DPP10: variants seen among roughly 807,000 people sequenced by gnomAD.
DPP10 encodes dipeptidyl peptidase like 10.
DPP10 carries 33 observed loss-of-function variants against 120.9 expected under a neutral mutation model. That is an observed-to-expected ratio of 0.27 (90% CI 0.21 to 0.37). The LOEUF (loss-of-function observed/expected upper bound fraction) is 0.37, where lower values mean the gene tolerates loss of function less well. Among genes scored for constraint, DPP10 ranks in the 10% least tolerant of loss-of-function variants. The pLI is 1.00. For missense variants in DPP10, 816 were observed against 942.8 expected (o/e 0.87, Z 1.76); for synonymous variants, 337 against 326.1 (o/e 1.03, Z -0.36).
intron 5 of DPP10, among the ~76,000 whole-genome samples, chr2:115,686,499 T>A (rs1221139173): frequency 6.6e-6 from 1 of 152,098 alleles, no homozygotes; most frequent in Non-Finnish European, 1.5e-5. Flanking sequence ...TAGTTGCTAA[T>A]TCAGTGTTTA....
At chr2:114,778,979 C>A (rs908685188) in intron 1 of DPP10, among the ~76,000 whole-genome samples, 2 of 151,962 alleles carry the variant, frequency 1.3e-5, no homozygotes, top group African/African-American at 4.8e-5. Context: ...AAATTAGTAG[C>A]ACCCTAGTTA....
At chr2:115,424,007 C>G (rs557490027) in intron 3 of DPP10, among the ~76,000 whole-genome samples, 8 of 152,264 alleles carry the variant, frequency 5.3e-5, no homozygotes, top group Admixed American at 5.2e-4. Flanking sequence ...AGGATCTGAT[C>G]ATTCAGCATT....
chr2:115,444,068 C>A (rs1446835973), intron 3 of DPP10, among the ~76,000 whole-genome samples: 1 of 152,124 alleles, frequency 6.6e-6, no homozygotes, highest in African/African-American at 2.4e-5. Flanking sequence ...ACTTGCCCTG[C>A]CTTTTATCTT....
chr2:115,574,726 G>A (rs1343927453), intron 5 of DPP10, among the ~76,000 whole-genome samples: 2 of 152,178 alleles, frequency 1.3e-5, no homozygotes, highest in African/African-American at 4.8e-5. Context: ...AACAATGCCT[G>A]GAATATGCCA....
chr2:115,263,614 A>G (rs571892407), intron 1 of DPP10, among the ~76,000 whole-genome samples: 7 of 152,248 alleles, frequency 4.6e-5, no homozygotes, highest in African/African-American at 1.7e-4. Context: ...TTCCAGGGAT[A>G]CATTTGACAT....
At chr2:115,786,449 A>T (rs1398493974) in intron 17 of DPP10, among the ~76,000 whole-genome samples, 1 of 151,554 alleles carries the variant, frequency 6.6e-6, no homozygotes, top group Non-Finnish European at 1.5e-5. Context: ...ATTTTATTTT[A>T]TTTTTTTTCT....
In DPP10 at chr2:115,712,540, T is replaced by TTTTATATATA. The variant is rs778592374; in HGVS notation, c.577-15275_577-15274insTTATATATAT. On this transcript the variant is annotated intron_variant, in intron 7 of 25. Transcript: ENST00000410059. ...AGAAATAGCTTTGAAGAGTCCTGAATTAAATATATATATATATATATATAT... is the reference window on the plus strand; with the variant it reads ...AGAAATAGCTTTGAAGAGTCCTGAATTTTATATATATAAATATATATATATATATATATAT... 2.4e-3 allele frequency among the ~76,000 whole-genome samples: 44 copies of TTTTATATATA among 18,066 alleles called. 6 individuals carry two copies. In the East Asian group the frequency reaches 0.039, roughly 16 times the overall value. 11.9% of individuals were successfully genotyped at this position (18,066 alleles called of 152,430 possible).
intron 3 of DPP10, among the ~76,000 whole-genome samples, chr2:115,485,682 A>G (rs986500075): frequency 6.6e-6 from 1 of 152,114 alleles, no homozygotes; most frequent in African/African-American, 2.4e-5. Flanking sequence ...AGGTAAAGTT[A>G]TGTCATTATG....
At chr2:114,448,164 A>G (rs935952861) in intron 1 of DPP10, among the ~76,000 whole-genome samples, 1 of 152,178 alleles carries the variant, frequency 6.6e-6, no homozygotes, top group African/African-American at 2.4e-5. Flanking sequence ...TACATTTTAT[A>G]GCTTAGATCT....
intron 1 of DPP10, among the ~76,000 whole-genome samples, chr2:115,204,186 A>T (rs2055951172): frequency 6.6e-6 from 1 of 152,154 alleles, no homozygotes; most frequent in Non-Finnish European, 1.5e-5. Context: ...TCTGATGTGC[A>T]GTTCTGCAAA....
chr2:114,455,718 C>A (rs116630289), intron 1 of DPP10, among the ~76,000 whole-genome samples: 1,397 of 125,198 alleles, frequency 0.011, 17 homozygotes, highest in African/African-American at 0.04. Flanking sequence ...CTCATACCCA[C>A]AAATTCATTT....
At chr2:115,824,388 T>C (rs565756690) in intron 21 of DPP10, among the ~76,000 whole-genome samples, 1 of 152,236 alleles carries the variant, frequency 6.6e-6, no homozygotes, top group East Asian at 1.9e-4. Context: ...TGTGCCATGG[T>C]GGTTTGCTGC....
chr2:114,713,600 A>G (rs1227109680), intron 1 of DPP10, among the ~76,000 whole-genome samples: 1 of 152,206 alleles, frequency 6.6e-6, no homozygotes, highest in African/African-American at 2.4e-5. Flanking sequence ...ATGATATATG[A>G]TCCAAGATAA....
At chr2:115,058,431 A>C (rs1370928349) in intron 1 of DPP10, among the ~76,000 whole-genome samples, 1 of 151,754 alleles carries the variant, frequency 6.6e-6, no homozygotes, top group Non-Finnish European at 1.5e-5. Flanking sequence ...TTTATTTTTC[A>C]CTCGGTCTCC....
intron 1 of DPP10, among the ~76,000 whole-genome samples, chr2:114,938,117 A>G (rs1696619147): frequency 6.6e-6 from 1 of 152,128 alleles, no homozygotes. Flanking sequence ...ACTGTAATCT[A>G]TTTCATCCTA....
At chr2:115,775,807 A>T (rs1682029237) in intron 13 of DPP10, among the ~76,000 whole-genome samples, 1 of 152,136 alleles carries the variant, frequency 6.6e-6, no homozygotes, top group African/African-American at 2.4e-5. Context: ...TAAAAAATTA[A>T]CTCTTATTTT....
intron 13 of DPP10, 143 bp from the exon 14 acceptor site, chr2:115,777,065 C>A: frequency 1.5e-6 from 1 of 664,634 alleles, no homozygotes; most frequent in Non-Finnish European, 2.6e-6. Context: ...AATGCATGTT[C>A]ATTCTTGAGC....
chr2:115,379,733 A>G (rs1229568722), intron 3 of DPP10, among the ~76,000 whole-genome samples: 2 of 152,046 alleles, frequency 1.3e-5, no homozygotes, highest in Admixed American at 6.6e-5. Flanking sequence ...AATGCGTCCC[A>G]GAGATTCTGG....
At chr2:115,064,267 T>C (rs78761752) in intron 1 of DPP10, among the ~76,000 whole-genome samples, 1 of 152,308 alleles carries the variant, frequency 6.6e-6, no homozygotes, top group African/African-American at 2.4e-5. Context: ...AAGTGGAGCC[T>C]GTGGCAAAGG....
Sources: gnomAD v4.1 joint callset for allele counts (sites outside exome capture counted in the v4.1 genomes callset) on GRCh38, gnomAD v4.1.1 for gene constraint, MANE v1.5 for transcripts, NCBI Gene and HGNC (gene_info 2026-07-23, HGNC 2026-07-21) for gene names.